MUC5AC: variants seen among roughly 807,000 people sequenced by gnomAD.
The protein encoded by MUC5AC is mucin-5AC.
In MUC5AC, 158 loss-of-function variants were observed where a neutral mutation model predicts 169.7. The observed-to-expected ratio is 0.93, with a 90% confidence interval of 0.82 to 1.06. The LOEUF (loss-of-function observed/expected upper bound fraction) is 1.06. MUC5AC is among the 50% of genes least tolerant of loss of function. The pLI, the probability that MUC5AC is intolerant of heterozygous loss-of-function variation, is 0.00. For synonymous variants in MUC5AC, 1,975 were observed against 1,237.0 expected (o/e 1.60, Z -12.52); for missense variants, 4,359 against 3,089.9 (o/e 1.41, Z -9.74).
Position 1,188,105 on chromosome 11 carries a change from CGA to C in MUC5AC, c.9963_9964del (p.Glu3321AspfsTer3). The C allele has an allele frequency of 1.4e-6, 1 of 737,078 alleles. No homozygotes were observed. Among genetic ancestry groups the C allele is most frequent in the Non-Finnish European group, 2.5e-6 (1 of 402,052 alleles). The allele number at this position is 737,078 out of a possible 1,614,324, so 45.7% of individuals were successfully genotyped here. Reference sequence around the variant, plus strand: ...ACTACGAGGTGCGTGTGCTCTGCTGCGAGACCCCTAAAGGTTGCCCCGTGACC... The same window carrying C: ...ACTACGAGGTGCGTGTGCTCTGCTGCGACCCCTAAAGGTTGCCCCGTGACC... ...LNYEVRVLCC[E>X]TPKGCPVTST... On this transcript the variant is annotated frameshift_variant, in exon 31 of 49. Coordinates refer to ENST00000621226, the MANE Select transcript of MUC5AC (RefSeq NM_001304359.2). LOFTEE classifies it high-confidence loss of function.
rs371465933 is a variant in MUC5AC at position 1,165,330 on chromosome 11, C to T, written c.1158C>T (p.Thr386=). Residue 386 remains threonine, a synonymous_variant, in exon 10 of 49, where the codon ACC becomes ACT. Transcript: ENST00000621226. ...EGTVLDDIGQ[T]GCVPVSKCAC... is the part of the protein sequence containing the mutation. ...CGGTGCTTGACGACATCGGCCAGACCGGCTGTGTCCCTGTGTCAAAGTGTG... is the reference window on the plus strand; with the variant it reads ...CGGTGCTTGACGACATCGGCCAGACTGGCTGTGTCCCTGTGTCAAAGTGTG... 5.3e-4 allele frequency: 852 copies of T among 1,612,216 alleles called. No individual in the cohort carries two copies. Among genetic ancestry groups the T allele is most frequent in the Non-Finnish European group, 6.5e-4 (767 of 1,179,682 alleles).
Position 1,161,887 on chromosome 11 carries a change from C to T in MUC5AC, c.212-20C>T. On this transcript the variant is annotated intron_variant, in intron 3 of 48. Transcript: ENST00000621226. ...AGGATGAGGGCGACGCCCCCAAACA[C>T]CATGCTGCTTCCACCGCAGCCTCCA... is the stretch of plus-strand genomic sequence containing the variant. 1 of 1,606,726 alleles carries T rather than the reference C, an allele frequency of 6.2e-7. No homozygotes were observed. The highest frequency in any genetic ancestry group is 8.5e-7 in the Non-Finnish European group (1 of 1,177,442).
intron 15 of MUC5AC, among the ~76,000 whole-genome samples, chr11:1,171,296 AC>A (rs1860517817): frequency 7.8e-6 from 1 of 127,778 alleles, no homozygotes. Context: ...CCATTCACCC[AC>A]TCACTCACCT....
chr11:1,170,451 A>G (rs1860474169), intron 15 of MUC5AC, among the ~76,000 whole-genome samples: 6 of 135,920 alleles, frequency 4.4e-5, no homozygotes, highest in African/African-American at 8.5e-5. Context: ...CCACTCACTC[A>G]CCCACTCACC....
In MUC5AC at chr11:1,197,603, C is replaced by A; in HGVS notation, c.15997C>A (p.Pro5333Thr). 2 of 726,894 alleles carry A rather than the reference C, an allele frequency of 2.8e-6. No individual in the cohort carries two copies. The highest frequency in any genetic ancestry group is 5.0e-6 in the Non-Finnish European group (2 of 399,654). The allele number at this position is 726,894 out of a possible 1,614,324, so 45.0% of individuals were successfully genotyped here. ...LPGFVPVPAA[P>T]QAGQCCPQYS... ...CGGCTTCGTGCCTGTGCCTGCAGCCCCACAGGCCGGCCAGTGCTGCCCCCA... is the reference window on the plus strand; with the variant it reads ...CGGCTTCGTGCCTGTGCCTGCAGCCACACAGGCCGGCCAGTGCTGCCCCCA... The change falls in exon 41 of 49, where the codon CCA (proline) becomes ACA (threonine). Residue 5333 changes from proline to threonine, a missense_variant. Coordinates refer to ENST00000621226, the MANE Select transcript of MUC5AC (RefSeq NM_001304359.2).
Position 1,194,612 on chromosome 11 carries a change from C to T in MUC5AC, c.15132C>T (p.Leu5044=). The change falls in exon 35 of 49, where the codon CTC becomes CTT. Residue 5044 remains leucine (L), a synonymous_variant. Transcript: ENST00000621226. ...ELGVQVMFSG[L]IFSVEVPFSK... is the part of the protein sequence containing the mutation. The stretch of plus-strand genomic sequence containing the variant: ...GAGTCCAGGTCATGTTCTCCGGCCT[C>T]ATCTTCTCCGTGGAGGTGCCCTTCA... The T allele has an allele frequency of 1.3e-6, 1 of 764,608 alleles. No individual in the cohort carries two copies. Among genetic ancestry groups the T allele is most frequent in the East Asian group, 2.4e-5 (1 of 41,226 alleles). The allele number at this position is 764,608 out of a possible 1,614,324, so 47.4% of individuals were successfully genotyped here. A position where few individuals can be genotyped will look rare whatever the true frequency, so the allele number is the denominator to read the frequency against.
rs577048773 is a variant in MUC5AC, at chr11:1,168,061, A to G, written c.1497+74A>G. ...TCTCTTCTGCAAGTCACCTCTGCCC[A>G]AGCCCTTCATCCCTGGCATGAACAG... On this transcript the variant is annotated intron_variant, in intron 12 of 48. Coordinates refer to ENST00000621226, the MANE Select transcript of MUC5AC (RefSeq NM_001304359.2). 9.9e-5 allele frequency: 130 copies of G among 1,308,124 alleles called. No individual in the cohort carries two copies. The South Asian group carries it at 1.6e-3, about 16-fold the overall frequency. 81.0% of individuals were successfully genotyped at this position (1,308,124 alleles called of 1,614,324 possible).
At chr11:1,193,997 GTGAGA>G in intron 33 of MUC5AC, 108 bp from the exon 34 acceptor site, 1 of 681,338 alleles carries the variant, frequency 1.5e-6, no homozygotes, top group Non-Finnish European at 2.7e-6. Context: ...TGTGCGCCCT[GTGAGA>G]TGAGACGGTG....
chr11:1,188,328 A>G lies in MUC5AC; in HGVS notation c.10183A>G (p.Thr3395Ala). Residue 3395 changes from threonine to alanine, a missense_variant, in exon 31 of 49, where the codon ACA (threonine) becomes GCA (alanine). By Grantham distance (58) the Thr-to-Ala change is moderately conservative (BLOSUM62 0). Transcript: ENST00000621226. ...CACAACCAGCACAACTTCTGCCCCT[A>G]CAACCAGCACAACCTCCACTCCACA... ...APTTSTTSAP[T>A]TSTTSTPQTS... 1.5e-6 allele frequency: 1 copy of G among 669,838 alleles called. No individual in the cohort carries two copies. The allele number at this position is 669,838 out of a possible 1,614,324, so 41.5% of individuals were successfully genotyped here.
At chr11:1,198,055 C>G in intron 42 of MUC5AC, 51 bp downstream of exon 42, 1 of 639,518 alleles carries the variant, frequency 1.6e-6, no homozygotes, top group South Asian at 1.7e-5. Flanking sequence ...GGGGTCTCCA[C>G]CTGGGATTTT....
intron 28 of MUC5AC, 126 bp from the exon 29 acceptor site, chr11:1,181,013 A>G (rs1222764132): frequency 2.5e-6 from 1 of 397,992 alleles, no homozygotes; most frequent in South Asian, 1.3e-4. Context: ...TGGGGGTGCA[A>G]TGCAGTTCCC....
At chr11:1,171,190 CACTTACTCACTCACTCA>C (rs1860510471) in intron 15 of MUC5AC, among the ~76,000 whole-genome samples, 1 of 143,932 alleles carries the variant, frequency 6.9e-6, no homozygotes, top group Non-Finnish European at 1.5e-5. Flanking sequence ...CACACTCACT[CACTTACTCACTCACTCA>C]ACTTACTCAC....
In MUC5AC at chr11:1,186,703, C is replaced by A. The variant is rs1297706761; in HGVS notation, c.8558C>A (p.Thr2853Asn). 8.2e-6 allele frequency: 6 copies of A among 733,974 alleles called. No homozygotes were observed. The highest frequency in any genetic ancestry group is 1.9e-5 in the Admixed American group (1 of 54,040). 45.5% of individuals were successfully genotyped at this position (733,974 alleles called of 1,614,324 possible). Residue 2853 changes from threonine (T) to asparagine (N), a missense_variant, in exon 31 of 49, where the codon ACC (threonine) becomes AAC (asparagine). By Grantham distance (65) the Thr-to-Asn change is moderately conservative. Transcript: ENST00000621226. ...ACCTCTGCCCCTACAACCAGCACAA[C>A]CTCTGCCCCTACAACCAGAACAACC... ...STTSAPTTST[T>N]SAPTTRTTSV...
Position 1,187,463 on chromosome 11 carries a change from C to T in MUC5AC, c.9318C>T (p.Thr3106=), listed in dbSNP as rs1860981323. The T allele has an allele frequency of 4.1e-6, 3 of 732,582 alleles. No individual in the cohort carries two copies. In the African/African-American group the frequency reaches 5.2e-5, roughly 13 times the overall value. 45.4% of individuals were successfully genotyped at this position (732,582 alleles called of 1,614,324 possible). The change falls in exon 31 of 49, where the codon ACC becomes ACT. Residue 3106 remains threonine (T), a synonymous_variant. Coordinates refer to ENST00000621226, the MANE Select transcript of MUC5AC (RefSeq NM_001304359.2). ...PTTSTTSAPT[T]STTSASTASK... ...CCAGCACAACGTCTGCTCCTACAACCAGCACAACCTCTGCCTCTACAGCCA... is the reference window on the plus strand; with the variant it reads ...CCAGCACAACGTCTGCTCCTACAACTAGCACAACCTCTGCCTCTACAGCCA...
chr11:1,193,463 G>A (rs1486651315), intron 32 of MUC5AC, 22 bp from the exon 33 acceptor site: 3 of 709,388 alleles, frequency 4.2e-6, no homozygotes, highest in Admixed American at 2.0e-5. Context: ...GCCGGACCCT[G>A]CAGGTCTCTG....
At position 1,185,551 on chromosome 11, in the gene MUC5AC, C is replaced by A. The variant is rs1250696935; in HGVS notation, c.7406C>A (p.Thr2469Asn). 1.4e-6 allele frequency: 1 copy of A among 720,758 alleles called. No individual in the cohort carries two copies. Among genetic ancestry groups the A allele is most frequent in the East Asian group, 2.6e-5 (1 of 38,694 alleles). 44.6% of individuals were successfully genotyped at this position (720,758 alleles called of 1,614,324 possible). Residue 2469 changes from threonine (T) to asparagine (N), a missense_variant, in exon 31 of 49, where the codon ACT becomes AAT. Physicochemically the swap from Thr to Asn is moderately conservative, Grantham distance 65. Coordinates refer to ENST00000621226, the MANE Select transcript of MUC5AC (RefSeq NM_001304359.2). ...STTSAPTTRTTSAPKSSTTSA... is the reference protein window; with the variant it reads ...STTSAPTTRTNSAPKSSTTSA... ...ACCTCTGCCCCTACAACAAGAACAA[C>A]TTCTGCTCCTAAAAGCAGCACAACC...
intron 15 of MUC5AC, among the ~76,000 whole-genome samples, chr11:1,169,936 GCCCACTCA>G (rs1456715320): frequency 2.7e-4 from 11 of 41,132 alleles, no homozygotes; most frequent in African/African-American, 8.1e-4. Context: ...TCACTCACTC[GCCCACTCA>G]CCCACTCACC....
At position 1,177,371 on chromosome 11, in the gene MUC5AC, C is replaced by T. The variant is rs1316614760; in HGVS notation, c.2907+27C>T. On this transcript the variant is annotated intron_variant, in intron 23 of 48. Coordinates refer to ENST00000621226, the MANE Select transcript of MUC5AC (RefSeq NM_001304359.2). ...TGAGCGAGGCTGGGTGGTCGCATGC[C>T]CTCCAGGAGGCTCCCATGGCAGCGT... 2.8e-5 allele frequency: 12 copies of T among 422,716 alleles called. No individual in the cohort carries two copies. In the South Asian group the frequency reaches 1.1e-3, roughly 37 times the overall value. The allele number at this position is 422,716 out of a possible 1,614,324, so 26.2% of individuals were successfully genotyped here.
chr11:1,158,953 G>A (rs373823250), intron 1 of MUC5AC, among the ~76,000 whole-genome samples: 33 of 152,340 alleles, frequency 2.2e-4, no homozygotes, highest in African/African-American at 7.5e-4. Context: ...CTGCCCCGCC[G>A]TCCCTCGTCT....
Sources: allele counts gnomAD v4.1 joint callset (sites outside exome capture counted in the v4.1 genomes callset), GRCh38; gene constraint gnomAD v4.1.1; transcripts MANE v1.5; gene names NCBI Gene and HGNC (gene_info 2026-07-23, HGNC 2026-07-21).